The following BRINP1 variants were observed in gnomAD, a reference collection of about 807,000 sequenced individuals.
BRINP1 encodes BMP/retinoic acid inducible neural specific 1.
Under a neutral mutation model 72.9 loss-of-function variants are expected in BRINP1, and 17 were observed. That is an observed-to-expected ratio of 0.23 (90% CI 0.16 to 0.35). The LOEUF is 0.35. Ranked by LOEUF, BRINP1 falls within the 10% of genes least tolerant of loss-of-function variation. The pLI, the probability that BRINP1 is intolerant of heterozygous loss-of-function variation, is 1.00. For missense variants in BRINP1, 850 were observed against 1,001.6 expected, an observed-to-expected ratio of 0.85 and a Z score of 2.04; for synonymous variants, 418 against 378.5, an observed-to-expected ratio of 1.10 and a Z score of -1.21.
At chr9:119,333,975 G>A (rs1049525365) in intron 1 of BRINP1, among the ~76,000 whole-genome samples, 3 of 152,120 alleles carry the variant, frequency 2.0e-5, no homozygotes, top group Admixed American at 1.3e-4. Context: ...TTGACCCAGA[G>A]GATCCATTTT....
chr9:119,233,585 CT>C (rs1276426804), intron 5 of BRINP1, among the ~76,000 whole-genome samples: 1 of 152,118 alleles, frequency 6.6e-6, no homozygotes, highest in Non-Finnish European at 1.5e-5. Flanking sequence ...TATTCATGTT[CT>C]TTCTTTGCAG....
At chr9:119,296,192 C>G (rs1830875391) in intron 2 of BRINP1, among the ~76,000 whole-genome samples, 1 of 151,924 alleles carries the variant, frequency 6.6e-6, no homozygotes, top group South Asian at 2.1e-4. Flanking sequence ...AAATGAACAG[C>G]AAAAGAAAGA....
At chr9:119,334,183 G>T (rs1831327381) in intron 1 of BRINP1, among the ~76,000 whole-genome samples, 1 of 152,162 alleles carries the variant, frequency 6.6e-6, no homozygotes, top group Admixed American at 6.5e-5. Flanking sequence ...TCCTTGCCAG[G>T]ATGCCCCAAA....
intron 1 of BRINP1, among the ~76,000 whole-genome samples, chr9:119,320,921 T>C (rs1831179798): frequency 6.6e-6 from 1 of 151,960 alleles, no homozygotes; most frequent in African/African-American, 2.4e-5. Context: ...GAGGGAGGGG[T>C]TATGGTCTCC....
At chr9:119,268,168 G>A (rs1182176439) in intron 2 of BRINP1, among the ~76,000 whole-genome samples, 2 of 151,976 alleles carry the variant, frequency 1.3e-5, no homozygotes, top group Non-Finnish European at 2.9e-5. Flanking sequence ...ACTTGTACCC[G>A]GAAGGTGGTG....
In BRINP1 at chr9:119,242,176, G is replaced by T. The variant is rs138022593; in HGVS notation, c.450C>A (p.Leu150=). 1.2e-6 allele frequency: 2 copies of T among 1,614,088 alleles called. No homozygotes were observed. Among genetic ancestry groups the T allele is most frequent in the Admixed American group, 1.7e-5 (1 of 60,018 alleles). Residue 150 remains leucine (L), a synonymous_variant, in exon 4 of 8, where the codon CTC becomes CTA. Coordinates refer to ENST00000265922, the MANE Select transcript of BRINP1 (RefSeq NM_014618.3). ...ALTMYMDKSR[L]DRKSGNATQS... ...GAGTGGCATTCCCTGACTTCCTGTC[G>T]AGGCGACTTTTGTCCATATACATGG...
chr9:119,338,119 T>C (rs763042306), intron 1 of BRINP1, among the ~76,000 whole-genome samples: 53 of 152,124 alleles, frequency 3.5e-4, no homozygotes, highest in Admixed American at 1.0e-3. Context: ...GGGAGGAGTG[T>C]TGAGTTGCAG....
At chr9:119,323,327 C>T (rs538094599) in intron 1 of BRINP1, among the ~76,000 whole-genome samples, 1 of 152,306 alleles carries the variant, frequency 6.6e-6, no homozygotes, top group South Asian at 2.1e-4. Context: ...AACCCAGCAG[C>T]AGAGCAGGGG....
chr9:119,257,547 G>A (rs1408191576), intron 2 of BRINP1, among the ~76,000 whole-genome samples: 1 of 152,140 alleles, frequency 6.6e-6, no homozygotes, highest in Non-Finnish European at 1.5e-5. Flanking sequence ...TTTATTCCTG[G>A]GTGGCTTATC....
chr9:119,266,487 G>A (rs867748030), intron 2 of BRINP1, among the ~76,000 whole-genome samples: 3 of 152,120 alleles, frequency 2.0e-5, no homozygotes, highest in East Asian at 1.9e-4. Context: ...CCAAAACCTC[G>A]AATATTTAAC....
chr9:119,307,981 C>T (rs1360997259), intron 2 of BRINP1, among the ~76,000 whole-genome samples: 5 of 152,092 alleles, frequency 3.3e-5, no homozygotes, highest in Non-Finnish European at 7.4e-5. Flanking sequence ...TACGTACAAG[C>T]TGTGCAAATG....
intron 7 of BRINP1, among the ~76,000 whole-genome samples, chr9:119,179,763 A>C (rs545006190): frequency 5.9e-5 from 9 of 152,228 alleles, no homozygotes; most frequent in African/African-American, 2.2e-4. Flanking sequence ...GTCCAAACCC[A>C]ATACTCCCTC....
intron 2 of BRINP1, among the ~76,000 whole-genome samples, chr9:119,257,695 C>A (rs1410675854): frequency 6.6e-6 from 1 of 152,162 alleles, no homozygotes; most frequent in Non-Finnish European, 1.5e-5. Flanking sequence ...AGGGGAATCA[C>A]AGAGGAGAAG....
At chr9:119,176,277 GTGGAGATGGTGA>G (rs1390399935) in intron 7 of BRINP1, among the ~76,000 whole-genome samples, 3 of 152,178 alleles carry the variant, frequency 2.0e-5, no homozygotes, top group African/African-American at 7.2e-5. Context: ...CTGTCGTGCT[GTGGAGATGGTGA>G]TGGTGATGAT....
chr9:119,336,407 C>T (rs950089946), intron 1 of BRINP1, among the ~76,000 whole-genome samples: 1 of 152,048 alleles, frequency 6.6e-6, no homozygotes, highest in Admixed American at 6.6e-5. Context: ...GAACCATTTC[C>T]CAGGAAGTCA....
intron 1 of BRINP1, among the ~76,000 whole-genome samples, chr9:119,334,776 AG>A (rs1366151504): frequency 2.0e-5 from 1 of 49,198 alleles, no homozygotes; most frequent in Admixed American, 2.8e-4. Flanking sequence ...CACTTTATGG[AG>A]GGGGTGGGGG....
At chr9:119,174,388 A>G (rs1829456592) in intron 7 of BRINP1, among the ~76,000 whole-genome samples, 1 of 150,420 alleles carries the variant, frequency 6.6e-6, no homozygotes, top group South Asian at 2.1e-4. Flanking sequence ...ACTGGCCATC[A>G]GAGAAATGCA....
intron 2 of BRINP1, among the ~76,000 whole-genome samples, chr9:119,255,383 T>C (rs910982030): frequency 6.6e-6 from 1 of 152,180 alleles, no homozygotes; most frequent in African/African-American, 2.4e-5. Context: ...GTGGGGTGTC[T>C]GCAGCAAGGG....
chr9:119,283,149 ATC>A (rs1830729877), intron 2 of BRINP1: 1 of 984,858 alleles, frequency 1.0e-6, no homozygotes, highest in Non-Finnish European at 1.2e-6. Flanking sequence ...TGTAAATGAG[ATC>A]ATTTGTTCTT....
Sources: gnomAD v4.1 joint callset for allele counts (sites outside exome capture counted in the v4.1 genomes callset) on GRCh38, gnomAD v4.1.1 for gene constraint, MANE v1.5 for transcripts, NCBI Gene and HGNC (gene_info 2026-07-23, HGNC 2026-07-21) for gene names.